The following L3MBTL4 variants were observed in gnomAD, a reference collection of about 807,000 sequenced individuals.
The protein encoded by L3MBTL4 is L3MBTL histone methyl-lysine binding protein 4.
Under a neutral mutation model 84.5 loss-of-function variants are expected in L3MBTL4, and 70 were observed. That is an observed-to-expected ratio of 0.83 (90% CI 0.68 to 1.01). The LOEUF (loss-of-function observed/expected upper bound fraction) is 1.01, where lower values mean the gene tolerates loss of function less well. Ranked by LOEUF, L3MBTL4 falls within the 50% of genes least tolerant of loss-of-function variation. The probability of loss-of-function intolerance (pLI) is 0.00; values close to 1 mark genes in which losing one functional copy is unlikely to be tolerated. For synonymous variants in L3MBTL4, 274 were observed against 259.8 expected (o/e 1.05, Z -0.52); for missense variants, 715 against 754.8 (o/e 0.95, Z 0.62).
intron 5 of L3MBTL4, among the ~76,000 whole-genome samples, chr18:6,263,204 G>T (rs1053279151): frequency 2.0e-5 from 3 of 151,390 alleles, no homozygotes; most frequent in Non-Finnish European, 4.4e-5. Context: ...GGGAGTTGGA[G>T]GTTGCCACGA....
chr18:6,219,611 G>A (rs2046465693), intron 10 of L3MBTL4, among the ~76,000 whole-genome samples: 1 of 151,228 alleles, frequency 6.6e-6, no homozygotes, highest in Non-Finnish European at 1.5e-5. Context: ...CTCAGCCCTG[G>A]ATTTCCTCAT....
chr18:6,031,122 C>T (rs1246747421), intron 16 of L3MBTL4: 10 of 985,430 alleles, frequency 1.0e-5, no homozygotes, highest in East Asian at 1.1e-4. Flanking sequence ...AAAAGCCACA[C>T]GTGATCCAAG....
chr18:5,988,496 A>G (rs182337152), intron 16 of L3MBTL4, among the ~76,000 whole-genome samples: 230 of 152,352 alleles, frequency 1.5e-3, no homozygotes, highest in Non-Finnish European at 2.7e-3. Flanking sequence ...TCTACTTTCT[A>G]TAAAGCATTT....
At chr18:6,318,541 T>G (rs1312565908) in intron 1 of L3MBTL4, among the ~76,000 whole-genome samples, 1 of 95,538 alleles carries the variant, frequency 1.0e-5, no homozygotes, top group African/African-American at 4.1e-5. Context: ...AGAAGGTCAT[T>G]ATATAATAAT....
intron 16 of L3MBTL4, among the ~76,000 whole-genome samples, chr18:6,054,975 A>C (rs760892668): frequency 2.6e-5 from 4 of 152,220 alleles, no homozygotes; most frequent in African/African-American, 4.8e-5. Context: ...ACTAAAATAC[A>C]GTTGAAAACA....
intron 16 of L3MBTL4, among the ~76,000 whole-genome samples, chr18:5,973,555 G>GC (rs2052757195): frequency 6.6e-6 from 1 of 151,970 alleles, no homozygotes; most frequent in Non-Finnish European, 1.5e-5. Context: ...ACAAAGCCCA[G>GC]CACGATTTAT....
At chr18:6,300,496 T>C (rs538298348) in intron 4 of L3MBTL4, among the ~76,000 whole-genome samples, 2 of 152,320 alleles carry the variant, frequency 1.3e-5, no homozygotes, top group Admixed American at 1.3e-4. Context: ...AGCTTCCAAC[T>C]GGACGCTCCC....
At chr18:6,399,049 C>T (rs1330368426) in intron 1 of L3MBTL4, among the ~76,000 whole-genome samples, 1 of 152,182 alleles carries the variant, frequency 6.6e-6, no homozygotes, top group East Asian at 1.9e-4. Flanking sequence ...AAACTGGTTT[C>T]CAATGTACTT....
chr18:6,295,346 C>CTCTCTCTCTCTCTCTCTATA (rs1261475809), intron 4 of L3MBTL4, among the ~76,000 whole-genome samples: 1 of 81,382 alleles, frequency 1.2e-5, no homozygotes, highest in African/African-American at 6.6e-5. Flanking sequence ...CTCTCTCTCT[C>CTCTCTCTCTCTCTCTCTATA]TATATATATA....
chr18:6,401,882 A>C (rs374600555), intron 1 of L3MBTL4, among the ~76,000 whole-genome samples: 2 of 152,286 alleles, frequency 1.3e-5, no homozygotes, highest in East Asian at 3.9e-4. Context: ...CATAACCAGA[A>C]CCAGGGGCGC....
At chr18:6,019,800 T>C (rs1467845240) in intron 16 of L3MBTL4, among the ~76,000 whole-genome samples, 2 of 152,244 alleles carry the variant, frequency 1.3e-5, no homozygotes, top group Non-Finnish European at 2.9e-5. Context: ...ACTCATGTCT[T>C]CCAGACAAAG....
At chr18:6,322,854 C>T (rs2601561) in intron 1 of L3MBTL4, among the ~76,000 whole-genome samples, 19,069 of 151,978 alleles carry the variant, frequency 0.13, 2,291 homozygotes, top group African/African-American at 0.31. Context: ...TCAGTAAATA[C>T]GGTTTGGATC....
intron 3 of L3MBTL4, among the ~76,000 whole-genome samples, chr18:6,311,238 T>A (rs1266542106): frequency 1.3e-5 from 2 of 152,014 alleles, no homozygotes; most frequent in Non-Finnish European, 2.9e-5. Flanking sequence ...GGGGTCCTGT[T>A]TCTCTGGAGA....
At chr18:5,976,420 A>C (rs1450314551) in intron 16 of L3MBTL4, among the ~76,000 whole-genome samples, 1 of 152,210 alleles carries the variant, frequency 6.6e-6, no homozygotes, top group East Asian at 1.9e-4. Flanking sequence ...TGTCCAGAAG[A>C]GTGCTGAGCC....
At chr18:5,984,899 C>A (rs1395790583) in intron 16 of L3MBTL4, among the ~76,000 whole-genome samples, 1 of 147,220 alleles carries the variant, frequency 6.8e-6, no homozygotes, top group East Asian at 1.9e-4. Context: ...TTGGTCAATT[C>A]TTGGTAAGGA....
At chr18:6,044,402 C>T (rs552934468) in intron 16 of L3MBTL4, among the ~76,000 whole-genome samples, 9 of 152,292 alleles carry the variant, frequency 5.9e-5, no homozygotes, top group African/African-American at 2.2e-4. Context: ...ACTGCCCTAT[C>T]TATCTCTTTT....
chr18:5,967,399 G>A (rs2052407604), intron 17 of L3MBTL4, among the ~76,000 whole-genome samples: 1 of 152,240 alleles, frequency 6.6e-6, no homozygotes, highest in Non-Finnish European at 1.5e-5. Context: ...ATTAATGCCT[G>A]CACAGGGCGT....
At chr18:6,306,223 T>C (rs186207203) in intron 3 of L3MBTL4, among the ~76,000 whole-genome samples, 20 of 152,328 alleles carry the variant, frequency 1.3e-4, no homozygotes, top group Admixed American at 1.0e-3. Flanking sequence ...TGAAGATAAA[T>C]AGAATTTGCC....
chr18:6,178,093 G>T (rs974129874), intron 12 of L3MBTL4, among the ~76,000 whole-genome samples: 1 of 151,178 alleles, frequency 6.6e-6, no homozygotes, highest in Admixed American at 6.6e-5. Context: ...CTCAACTGAA[G>T]AAGTGAAAAA....
Sources: gnomAD v4.1 joint callset for allele counts (sites outside exome capture counted in the v4.1 genomes callset) on GRCh38, gnomAD v4.1.1 for gene constraint, MANE v1.5 for transcripts, NCBI Gene and HGNC (gene_info 2026-07-23, HGNC 2026-07-21) for gene names.